The following P3H2 variants were observed in gnomAD, a reference collection of about 807,000 sequenced individuals.
P3H2 encodes prolyl 3-hydroxylase 2.
Under a neutral mutation model 87.0 loss-of-function variants are expected in P3H2, and 80 were observed. The observed-to-expected ratio is 0.92, with a 90% CI of 0.77 to 1.11. The LOEUF is 1.11. P3H2 is among the 50% of genes least tolerant of loss of function. The probability of loss-of-function intolerance (pLI) is 0.00; values close to 1 mark genes in which losing one functional copy is unlikely to be tolerated. For synonymous variants in P3H2, 367 were observed against 359.3 expected, an observed-to-expected ratio of 1.02 and a Z score of -0.24; for missense variants, 1,001 against 923.9, an observed-to-expected ratio of 1.08 and a Z score of -1.08.
At chr3:189,998,785 C>T (rs1484201378) in intron 1 of P3H2, among the ~76,000 whole-genome samples, 2 of 152,110 alleles carry the variant, frequency 1.3e-5, no homozygotes, top group Non-Finnish European at 2.9e-5. Flanking sequence ...TTTTTGGCAC[C>T]AGGGTCCAGT....
At chr3:190,040,874 C>T (rs79000699) in intron 1 of P3H2, among the ~76,000 whole-genome samples, 1,889 of 150,914 alleles carry the variant, frequency 0.013, 46 homozygotes, top group African/African-American at 0.043. Flanking sequence ...CATATGTTGG[C>T]GTGTGTGACC....
In P3H2 at chr3:190,066,168, C is replaced by T. The variant is rs963943474; in HGVS notation, c.480+54084G>A. ...GTATATATATATATATACACACACA[C>T]ACACACACACATATATACACACATA... On this transcript the variant is annotated intron_variant, in intron 1 of 14. Coordinates refer to ENST00000319332, the MANE Select transcript of P3H2 (RefSeq NM_018192.4). 2.6e-3 allele frequency among the ~76,000 whole-genome samples: 344 copies of T among 133,962 alleles called. 7 individuals carry two copies. The highest frequency in any genetic ancestry group is 0.01 in the African/African-American group (330 of 32,730). 87.9% of individuals were successfully genotyped at this position (133,962 alleles called of 152,430 possible).
chr3:190,005,191 T>A (rs923771645), intron 1 of P3H2, among the ~76,000 whole-genome samples: 2 of 152,290 alleles, frequency 1.3e-5, no homozygotes, highest in Non-Finnish European at 2.9e-5. Flanking sequence ...TGAAAAAAAA[T>A]TTCAAAAGTT....
chr3:190,091,530 G>A (rs996662427), intron 1 of P3H2, among the ~76,000 whole-genome samples: 3 of 152,190 alleles, frequency 2.0e-5, no homozygotes, highest in South Asian at 2.1e-4. Context: ...ACATCTTAAT[G>A]TCTGTAAATG....
intron 1 of P3H2, among the ~76,000 whole-genome samples, chr3:190,075,662 T>C (rs1726848636): frequency 6.6e-6 from 1 of 151,344 alleles, no homozygotes; most frequent in East Asian, 1.9e-4. Flanking sequence ...AAAACAAAGG[T>C]GGGATTTGGA....
intron 1 of P3H2, among the ~76,000 whole-genome samples, chr3:190,008,273 G>A (rs1252621133): frequency 6.6e-6 from 1 of 151,858 alleles, no homozygotes; most frequent in Non-Finnish European, 1.5e-5. Context: ...TCTTCAGCAG[G>A]GAAATTAAGA....
intron 14 of P3H2, chr3:189,963,626 T>C (rs1474226403): frequency 1.5e-5 from 4 of 275,078 alleles, no homozygotes; most frequent in Non-Finnish European, 2.9e-5. Flanking sequence ...GTATTTTTAG[T>C]AGAGATGGGG....
chr3:189,958,893 G>A (rs1408459198), intron 14 of P3H2, among the ~76,000 whole-genome samples: 1 of 151,536 alleles, frequency 6.6e-6, no homozygotes, highest in East Asian at 1.9e-4. Context: ...TTACCATGTT[G>A]ACCAGGCTTG....
chr3:189,982,185 G>A (rs957189558), intron 8 of P3H2, among the ~76,000 whole-genome samples: 3 of 152,162 alleles, frequency 2.0e-5, no homozygotes, highest in Non-Finnish European at 4.4e-5. Context: ...CGGGTCAAAT[G>A]TCTGGGTTCA....
At chr3:190,044,773 G>C (rs1321664141) in intron 1 of P3H2, among the ~76,000 whole-genome samples, 3 of 152,156 alleles carry the variant, frequency 2.0e-5, no homozygotes, top group Non-Finnish European at 1.5e-5. Context: ...ACGAGTATGA[G>C]GTAAACCTCG....
intron 1 of P3H2, among the ~76,000 whole-genome samples, chr3:190,034,895 C>A (rs1725370950): frequency 6.8e-6 from 1 of 147,454 alleles, no homozygotes; most frequent in Non-Finnish European, 1.5e-5. Context: ...GTTGCCCAGG[C>A]AGGAGTGCAG....
intron 1 of P3H2, among the ~76,000 whole-genome samples, chr3:190,054,031 A>C (rs563746515): frequency 2.4e-4 from 36 of 152,288 alleles, no homozygotes; most frequent in African/African-American, 8.7e-4. Flanking sequence ...ATACATTAGT[A>C]GAAAATCAGC....
At chr3:189,984,734 T>C (rs1336278509) in intron 6 of P3H2, 144 bp from the exon 7 acceptor site, 7 of 588,698 alleles carry the variant, frequency 1.2e-5, no homozygotes, top group Non-Finnish European at 2.1e-5. Flanking sequence ...AGATACAATA[T>C]ATTTATATTT....
At chr3:190,121,370 T>C (rs111415875), upstream of P3H2, among the ~76,000 whole-genome samples, 105 of 150,110 alleles carry the variant, frequency 7.0e-4, 3 homozygotes, top group African/African-American at 2.5e-3. Flanking sequence ...AATAAATAAA[T>C]AGAAAAAAAA....
At chr3:190,093,958 T>C (rs1027524152) in intron 1 of P3H2, among the ~76,000 whole-genome samples, 1 of 152,156 alleles carries the variant, frequency 6.6e-6, no homozygotes, top group Non-Finnish European at 1.5e-5. Context: ...TCACATCCTT[T>C]TCCCATTATC....
At chr3:190,046,078 G>A (rs1003209403) in intron 1 of P3H2, among the ~76,000 whole-genome samples, 18 of 148,724 alleles carry the variant, frequency 1.2e-4, no homozygotes, top group South Asian at 8.5e-4. Context: ...AGCTGAGATC[G>A]CACCACTGCA....
At chr3:189,963,260 A>G (rs915321422) in intron 14 of P3H2, among the ~76,000 whole-genome samples, 7 of 152,196 alleles carry the variant, frequency 4.6e-5, no homozygotes, top group African/African-American at 1.7e-4. Context: ...TTTGCATATA[A>G]TAATATTGAA....
At chr3:190,029,859 G>C (rs1415273888) in intron 1 of P3H2, among the ~76,000 whole-genome samples, 1 of 151,930 alleles carries the variant, frequency 6.6e-6, no homozygotes, top group African/African-American at 2.4e-5. Flanking sequence ...AAAATTAGAA[G>C]GGCATGGTGG....
At chr3:190,036,769 C>A (rs1018118442) in intron 1 of P3H2, among the ~76,000 whole-genome samples, 1 of 152,136 alleles carries the variant, frequency 6.6e-6, no homozygotes, top group Non-Finnish European at 1.5e-5. Context: ...CAGGGACACC[C>A]TCTGCTCTGC....
Sources: gnomAD v4.1 joint callset for allele counts (sites outside exome capture counted in the v4.1 genomes callset) on GRCh38, gnomAD v4.1.1 for gene constraint, MANE v1.5 for transcripts, NCBI Gene and HGNC (gene_info 2026-07-23, HGNC 2026-07-21) for gene names.